ESF1: variants seen among roughly 807,000 people sequenced by gnomAD.
The protein encoded by ESF1 is ESF1 nucleolar pre-rRNA processing protein.
ESF1 carries 58 observed loss-of-function variants against 92.0 expected under a neutral mutation model. The ratio of observed to expected loss-of-function variants is 0.63; its 90% CI spans 0.51 to 0.78. The LOEUF (loss-of-function observed/expected upper bound fraction) is 0.78, where lower values mean the gene tolerates loss of function less well. Ranked by LOEUF, ESF1 falls within the 30% of genes least tolerant of loss-of-function variation. The probability of loss-of-function intolerance (pLI) is 0.00; values close to 1 mark genes in which losing one functional copy is unlikely to be tolerated. For missense variants in ESF1, 922 were observed against 989.1 expected, an observed-to-expected ratio of 0.93 and a Z score of 0.91; for synonymous variants, 321 against 313.7, an observed-to-expected ratio of 1.02 and a Z score of -0.24.
intron 8 of ESF1, among the ~76,000 whole-genome samples, chr20:13,764,403 A>C (rs1247879815): frequency 2.0e-5 from 3 of 152,196 alleles, no homozygotes; most frequent in African/African-American, 7.2e-5. Context: ...TTGGGGCTTT[A>C]TGTCTACAAA....
At chr20:13,762,746 G>C in intron 8 of ESF1, 1 of 345,268 alleles carries the variant, frequency 2.9e-6, no homozygotes, top group South Asian at 2.3e-5. Flanking sequence ...TCTATGAGAG[G>C]TACTAAATTA....
chr20:13,724,889 T>C (rs912987413), intron 11 of ESF1, among the ~76,000 whole-genome samples: 1 of 152,224 alleles, frequency 6.6e-6, no homozygotes, highest in Admixed American at 6.5e-5. Context: ...ATGTCCAGCA[T>C]GATTTAAAAG....
chr20:13,760,258 C>G (rs973815377), intron 8 of ESF1, among the ~76,000 whole-genome samples: 3 of 150,884 alleles, frequency 2.0e-5, no homozygotes, highest in Admixed American at 2.0e-4. Context: ...GCTGCCCAGT[C>G]TGGAAAGTGA....
chr20:13,729,335 G>C (rs2049926354), intron 10 of ESF1, among the ~76,000 whole-genome samples: 1 of 152,352 alleles, frequency 6.6e-6, no homozygotes, highest in East Asian at 1.9e-4. Context: ...AGAAATGGAA[G>C]TTATCAGATA....
chr20:13,747,332 A>G (rs1392208636), intron 9 of ESF1, among the ~76,000 whole-genome samples: 1 of 151,594 alleles, frequency 6.6e-6, no homozygotes, highest in Non-Finnish European at 1.5e-5. Flanking sequence ...AGGCTGAGGC[A>G]GGCGGATCAC....
chr20:13,744,278 A>G (rs1424403518), intron 9 of ESF1, among the ~76,000 whole-genome samples: 1 of 152,236 alleles, frequency 6.6e-6, no homozygotes, highest in Non-Finnish European at 1.5e-5. Flanking sequence ...CAAACCAGGA[A>G]GAGACACCTG....
intron 10 of ESF1, 100 bp from the exon 11 acceptor site, chr20:13,728,565 C>A: frequency 1.0e-6 from 1 of 988,542 alleles, no homozygotes; most frequent in African/African-American, 1.6e-5. Context: ...CCAAGTAGTT[C>A]AATCTAAAAG....
At chr20:13,720,127 A>G (rs7273592) in intron 11 of ESF1, among the ~76,000 whole-genome samples, 47,221 of 152,004 alleles carry the variant, frequency 0.31, 7,778 homozygotes, top group Non-Finnish European at 0.37. Context: ...TATTTGGAAC[A>G]TGAGACTTCT....
In ESF1 at chr20:13,775,970, G is replaced by C; in HGVS notation, c.938C>G (p.Ser313Cys). 1.2e-6 allele frequency: 2 copies of C among 1,613,806 alleles called. No individual in the cohort carries two copies. ...ATCTGCCGTATCATCTTCATCTTCA[G>C]AACTAGTTTCTATATTTCCTTTACC... ...ARGKGNIETSSEDEDDTADLF... is the reference protein window; with the variant it reads ...ARGKGNIETSCEDEDDTADLF... Residue 313 changes from serine to cysteine, a missense_variant, in exon 3 of 14, where the codon TCT becomes TGT. Coordinates refer to ENST00000617257, the MANE Select transcript of ESF1 (RefSeq NM_001276380.2).
chr20:13,757,806 A>T (rs75548321), intron 9 of ESF1, among the ~76,000 whole-genome samples: 98 of 152,338 alleles, frequency 6.4e-4, no homozygotes, highest in Middle Eastern at 3.4e-3. Flanking sequence ...TATTTCTGAA[A>T]TATTTGCTAT....
Position 13,760,757 on chromosome 20 carries a change from G to T in ESF1, c.1667-904C>A, listed in dbSNP as rs915665739. 6.1e-5 allele frequency among the ~76,000 whole-genome samples: 9 copies of T among 148,324 alleles called. No individual in the cohort carries two copies. In the East Asian group the frequency reaches 6.3e-4, roughly 10 times the overall value. On this transcript the variant is annotated intron_variant, in intron 8 of 13. Coordinates refer to ENST00000617257, the MANE Select transcript of ESF1 (RefSeq NM_001276380.2). ...CAGCCGCCCCGTCCGGGAGGGAGGT[G>T]GGGGGGTCAGCCCCCGCCCGGCCAG...
intron 8 of ESF1, among the ~76,000 whole-genome samples, chr20:13,763,704 T>C (rs141996231): frequency 0.013 from 1,998 of 152,152 alleles, 33 homozygotes; most frequent in African/African-American, 0.045. Context: ...CAATAAAAAA[T>C]AAAATGGTCA....
chr20:13,739,813 G>A (rs1280133854), intron 9 of ESF1, among the ~76,000 whole-genome samples: 2 of 151,994 alleles, frequency 1.3e-5, no homozygotes, highest in African/African-American at 2.4e-5. Flanking sequence ...ATCTGCTATG[G>A]TCTTATATGG....
At chr20:13,737,310 C>T (rs950488742) in intron 9 of ESF1, among the ~76,000 whole-genome samples, 4 of 152,154 alleles carry the variant, frequency 2.6e-5, no homozygotes, top group Non-Finnish European at 5.9e-5. Context: ...AAGCACAATC[C>T]ATTCAGAATT....
intron 6 of ESF1, 108 bp downstream of exon 6, chr20:13,771,223 A>G: frequency 2.6e-6 from 3 of 1,134,982 alleles, no homozygotes; most frequent in African/African-American, 1.6e-5. Context: ...GAAAAGCAAA[A>G]AAATCATTTT....
At chr20:13,722,686 C>T (rs546862117) in intron 11 of ESF1, among the ~76,000 whole-genome samples, 2 of 133,800 alleles carry the variant, frequency 1.5e-5, no homozygotes, top group South Asian at 2.3e-4. Context: ...CCCAGCTCCA[C>T]ATTTTTTTTT....
chr20:13,737,327 G>A (rs919872247), intron 9 of ESF1, among the ~76,000 whole-genome samples: 1 of 152,008 alleles, frequency 6.6e-6, no homozygotes, highest in Non-Finnish European at 1.5e-5. Flanking sequence ...AATTATTCTG[G>A]CAGTTTGCAT....
Position 13,756,384 on chromosome 20 carries a change from T to C in ESF1, c.1828+3308A>G, listed in dbSNP as rs572855703. Among the ~76,000 whole-genome samples, 11 of 152,300 alleles carry C rather than the reference T, an allele frequency of 7.2e-5. No homozygotes were observed. The East Asian group carries it at 1.9e-3, about 27-fold the overall frequency. On this transcript the variant is annotated intron_variant, in intron 9 of 13. Coordinates refer to ENST00000617257, the MANE Select transcript of ESF1 (RefSeq NM_001276380.2). ...CATTAAAATATCAATTTTCCCCTAT[T>C]CAATTAAAAGTAAAAAATATATACC...
intron 2 of ESF1, among the ~76,000 whole-genome samples, chr20:13,777,262 G>A (rs908321889): frequency 4.6e-5 from 7 of 152,152 alleles, no homozygotes; most frequent in South Asian, 4.1e-4. Flanking sequence ...AATAATTACC[G>A]ACTGGAGATT....
Sources: allele counts gnomAD v4.1 joint callset (sites outside exome capture counted in the v4.1 genomes callset), GRCh38; gene constraint gnomAD v4.1.1; transcripts MANE v1.5; gene names NCBI Gene and HGNC (gene_info 2026-07-23, HGNC 2026-07-21).